Variants in YTHDF3 observed in about 807,000 individuals in gnomAD.
YTHDF3 encodes the protein YTH N6-methyladenosine RNA binding protein F3.
YTHDF3 carries 9 observed loss-of-function variants against 52.5 expected under a neutral mutation model. The observed-to-expected ratio is 0.17, with a 90% CI of 0.10 to 0.30. The LOEUF is 0.30. YTHDF3 is among the 10% of genes least tolerant of loss of function. YTHDF3 has a pLI of 1.00. For synonymous variants in YTHDF3, 274 were observed against 243.3 expected, an observed-to-expected ratio of 1.13 and a Z score of -1.18; for missense variants, 534 against 715.0, an observed-to-expected ratio of 0.75 and a Z score of 2.89.
At chr8:63,188,696 TA>T (rs1585763303) in intron 4 of YTHDF3, 95 of 68,408 alleles carry the variant, frequency 1.4e-3, no homozygotes, top group African/African-American at 4.6e-3. Context: ...TATATATATA[TA>T]TATATTTTTT....
At chr8:63,179,683 T>G (rs560373389) in intron 3 of YTHDF3, among the ~76,000 whole-genome samples, 16 of 152,308 alleles carry the variant, frequency 1.1e-4, no homozygotes, top group East Asian at 7.7e-4. Context: ...CCCCTTTCTA[T>G]TCCACAAAAC....
Position 63,198,963 on chromosome 8 carries a change from T to C in YTHDF3, c.1735-10720T>C, listed in dbSNP as rs186944587. 6.2e-3 allele frequency among the ~76,000 whole-genome samples: 945 copies of C among 151,348 alleles called. 15 individuals are homozygous for C. The highest frequency in any genetic ancestry group is 0.022 in the African/African-American group (913 of 41,008). On this transcript the variant is annotated intron_variant, in intron 4 of 4. Coordinates refer to ENST00000539294, the MANE Select transcript of YTHDF3 (RefSeq NM_152758.6). ...ACAATAAACTTTTATGTAACATATT[T>C]AATTAAATAATGTAACATATTTGAT...
chr8:63,202,439 T>C (rs1301680452), intron 4 of YTHDF3, among the ~76,000 whole-genome samples: 1 of 150,866 alleles, frequency 6.6e-6, no homozygotes, highest in Non-Finnish European at 1.5e-5. Flanking sequence ...GTTTTATCCA[T>C]CTGTTACTGC....
In YTHDF3 at chr8:63,168,677, A is replaced by T; in HGVS notation, c.-201A>T. The T allele has an allele frequency of 1.1e-6, 1 of 923,818 alleles. No individual in the cohort carries two copies. The highest frequency in any genetic ancestry group is 1.6e-6 in the Non-Finnish European group (1 of 609,438). The allele number at this position is 923,818 out of a possible 1,614,324, so 57.2% of individuals were successfully genotyped here. A position where few individuals can be genotyped will look rare whatever the true frequency, so the allele number is the denominator to read the frequency against. On this transcript the variant is annotated 5_prime_UTR_variant, in exon 1 of 5. Coordinates refer to ENST00000539294, the MANE Select transcript of YTHDF3 (RefSeq NM_152758.6). ...CCGAGAAGCAGAGAGCGAGAGGGGGAAGAGGAGCGTGCAAGCGGAAAAGAC... is the reference window on the plus strand; with the variant it reads ...CCGAGAAGCAGAGAGCGAGAGGGGGTAGAGGAGCGTGCAAGCGGAAAAGAC...
At position 63,173,994 on chromosome 8, in the gene YTHDF3, TG is replaced by T. The variant is rs1188184026; in HGVS notation, c.50-1335del. 5.3e-5 allele frequency among the ~76,000 whole-genome samples: 8 copies of T among 152,306 alleles called. No individual in the cohort carries two copies. The South Asian group carries it at 1.2e-3, about 24-fold the overall frequency. On this transcript the variant is annotated intron_variant, in intron 2 of 4. Transcript: ENST00000539294. Reference sequence around the variant, plus strand: ...TCTTTGATCTTTGCCACTCATTGGATGGCAAAGATTTAAGGGATTTTGTATA... The same window carrying T: ...TCTTTGATCTTTGCCACTCATTGGATGCAAAGATTTAAGGGATTTTGTATA...
intron 4 of YTHDF3, among the ~76,000 whole-genome samples, chr8:63,202,525 G>A (rs1413633043): frequency 2.7e-5 from 4 of 149,492 alleles, no homozygotes; most frequent in Non-Finnish European, 5.9e-5. Context: ...GCAATGGCAC[G>A]ATCTTGGCTC....
At chr8:63,181,008 CT>C (rs1808098364) in intron 3 of YTHDF3, among the ~76,000 whole-genome samples, 1 of 152,120 alleles carries the variant, frequency 6.6e-6, no homozygotes, top group African/African-American at 2.4e-5. Flanking sequence ...AAAATTAGTT[CT>C]TTATAGTTCT....
At chr8:63,192,990 C>T (rs1020954852) in intron 4 of YTHDF3, among the ~76,000 whole-genome samples, 1 of 152,096 alleles carries the variant, frequency 6.6e-6, no homozygotes. Flanking sequence ...GTTTCTTAAA[C>T]TCAACCTTGG....
intron 4 of YTHDF3, among the ~76,000 whole-genome samples, chr8:63,193,374 C>CAAAA (rs758787473): frequency 5.6e-4 from 30 of 54,032 alleles, no homozygotes; most frequent in African/African-American, 1.3e-3. Flanking sequence ...AGACTCCGTC[C>CAAAA]AAAAAAAAAA....
chr8:63,207,509 C>T lies in YTHDF3; in HGVS notation c.1735-2174C>T, dbSNP rs535564129. On this transcript the variant is annotated intron_variant, in intron 4 of 4. Transcript: ENST00000539294. ...TTTTCAAACTCATTCTTTTTCTGTC[C>T]TTTTGGGGTATTTTCTTTATTCTCC... 5.4e-4 allele frequency among the ~76,000 whole-genome samples: 82 copies of T among 151,674 alleles called. 1 individual carries two copies. Among genetic ancestry groups the T allele is most frequent in the African/African-American group, 2.0e-3 (81 of 41,350 alleles).
chr8:63,202,056 C>T (rs546298963), intron 4 of YTHDF3, among the ~76,000 whole-genome samples: 5 of 152,274 alleles, frequency 3.3e-5, no homozygotes, highest in African/African-American at 1.2e-4. Flanking sequence ...TACCGTAAGC[C>T]ACCAAAGATA....
chr8:63,181,451 T>C (rs1344129671), intron 3 of YTHDF3, among the ~76,000 whole-genome samples: 1 of 152,160 alleles, frequency 6.6e-6, no homozygotes, highest in African/African-American at 2.4e-5. Context: ...CTGCCAACTT[T>C]CTCCATCTGA....
intron 4 of YTHDF3, among the ~76,000 whole-genome samples, chr8:63,192,079 C>T (rs1585768956): frequency 6.6e-6 from 1 of 152,296 alleles, no homozygotes; most frequent in Non-Finnish European, 1.5e-5. Flanking sequence ...ACCACCCTAT[C>T]AGTTAGGATA....
At chr8:63,193,836 A>T (rs1226238393) in intron 4 of YTHDF3, among the ~76,000 whole-genome samples, 1 of 152,230 alleles carries the variant, frequency 6.6e-6, no homozygotes, top group South Asian at 2.1e-4. Context: ...AGTATTGGAA[A>T]GATTGTAGAT....
chr8:63,180,287 A>G (rs1243781667), intron 3 of YTHDF3, among the ~76,000 whole-genome samples: 1 of 125,634 alleles, frequency 8.0e-6, no homozygotes, highest in African/African-American at 3.2e-5. Context: ...TGCTCCTCAC[A>G]TCCCGGACGG....
intron 2 of YTHDF3, 100 bp from the exon 3 acceptor site, chr8:63,175,231 C>G (rs1807608036): frequency 2.5e-6 from 2 of 803,196 alleles, no homozygotes; most frequent in Non-Finnish European, 4.0e-6. Flanking sequence ...ATTATTTTTT[C>G]TGATTACTTT....
At chr8:63,207,282 C>T (rs989580170) in intron 4 of YTHDF3, among the ~76,000 whole-genome samples, 3 of 152,018 alleles carry the variant, frequency 2.0e-5, no homozygotes, top group Non-Finnish European at 4.4e-5. Context: ...TATTGTATGT[C>T]TCTATTAGTC....
At chr8:63,179,041 T>C (rs1233260533) in intron 3 of YTHDF3, among the ~76,000 whole-genome samples, 1 of 152,220 alleles carries the variant, frequency 6.6e-6, no homozygotes, top group Non-Finnish European at 1.5e-5. Flanking sequence ...ACAAGTCTTT[T>C]GCTAATGATT....
chr8:63,197,431 CA>C, intron 4 of YTHDF3, among the ~76,000 whole-genome samples: 1 of 151,916 alleles, frequency 6.6e-6, no homozygotes, highest in Non-Finnish European at 1.5e-5. Flanking sequence ...ATATTTAGAA[CA>C]AAATGTTATG....
Sources: allele counts gnomAD v4.1 joint callset (sites outside exome capture counted in the v4.1 genomes callset), GRCh38; gene constraint gnomAD v4.1.1; transcripts MANE v1.5; gene names NCBI Gene and HGNC (gene_info 2026-07-23, HGNC 2026-07-21).